Variants in RGS6 observed in about 807,000 individuals in gnomAD.
RGS6 encodes the protein regulator of G protein signaling 6.
Under a neutral mutation model 78.5 loss-of-function variants are expected in RGS6, and 30 were observed. That is an observed-to-expected ratio of 0.38 (90% CI 0.29 to 0.52). The LOEUF is 0.52. Among genes scored for constraint, RGS6 ranks in the 20% least tolerant of loss-of-function variants. RGS6 has a pLI of 0.85. For synonymous variants in RGS6, 206 were observed against 206.0 expected, an observed-to-expected ratio of 1.00 and a Z score of 0.00; for missense variants, 495 against 609.7, an observed-to-expected ratio of 0.81 and a Z score of 1.98.
chr14:71,979,501 C>G (rs1340779644), intron 2 of RGS6, among the ~76,000 whole-genome samples: 23 of 152,034 alleles, frequency 1.5e-4, no homozygotes, highest in Non-Finnish European at 3.1e-4. Context: ...ATCTTTATTT[C>G]TGCCTTCATT....
intron 2 of RGS6, among the ~76,000 whole-genome samples, chr14:72,219,138 T>C (rs1334182594): frequency 6.6e-6 from 1 of 151,964 alleles, no homozygotes; most frequent in East Asian, 2.0e-4. Flanking sequence ...ACCAAAAGGA[T>C]ACTAATTTAC....
At chr14:72,003,253 A>G (rs1254243333) in intron 2 of RGS6, among the ~76,000 whole-genome samples, 2 of 152,192 alleles carry the variant, frequency 1.3e-5, no homozygotes, top group Non-Finnish European at 1.5e-5. Flanking sequence ...CTTTATTAAG[A>G]TATTCACATA....
At chr14:72,411,557 T>C (rs1162043406) in intron 3 of RGS6, among the ~76,000 whole-genome samples, 2 of 152,298 alleles carry the variant, frequency 1.3e-5, no homozygotes, top group East Asian at 3.9e-4. Flanking sequence ...ATACCCTTTA[T>C]TTCCTTCTCC....
At chr14:72,223,250 T>C (rs1277143214) in intron 2 of RGS6, among the ~76,000 whole-genome samples, 1 of 152,188 alleles carries the variant, frequency 6.6e-6, no homozygotes, top group East Asian at 1.9e-4. Context: ...TGGAACAACC[T>C]CACAAACCTG....
chr14:72,397,191 A>T (rs931000400), intron 3 of RGS6, among the ~76,000 whole-genome samples: 1 of 152,138 alleles, frequency 6.6e-6, no homozygotes, highest in African/African-American at 2.4e-5. Flanking sequence ...TTGAGCATGG[A>T]ATGTTCTTCC....
intron 3 of RGS6, among the ~76,000 whole-genome samples, chr14:72,356,425 A>G (rs1013951609): frequency 6.6e-6 from 1 of 152,162 alleles, no homozygotes; most frequent in African/African-American, 2.4e-5. Context: ...CTGTGAGTCA[A>G]TTAAGCTTCT....
At chr14:72,617,702 T>C in the RGS6 span, among the ~76,000 whole-genome samples, 1 of 152,028 alleles carries the variant, frequency 6.6e-6, no homozygotes, top group African/African-American at 2.4e-5. Context: ...GCAATTAGCC[T>C]AGAGAGGAGC....
At chr14:72,106,958 C>G (rs776046169) in intron 2 of RGS6, among the ~76,000 whole-genome samples, 1 of 151,794 alleles carries the variant, frequency 6.6e-6, no homozygotes, top group Non-Finnish European at 1.5e-5. Context: ...CATCAGGAGG[C>G]GCAGGAAGTC....
At chr14:72,610,898 C>T in the RGS6 span, among the ~76,000 whole-genome samples, 1 of 152,216 alleles carries the variant, frequency 6.6e-6, no homozygotes, top group African/African-American at 2.4e-5. Flanking sequence ...ACCAGCAGGG[C>T]CATTCAGAGA....
intron 2 of RGS6, among the ~76,000 whole-genome samples, chr14:72,036,766 C>T (rs2091771000): frequency 6.6e-6 from 1 of 152,090 alleles, no homozygotes; most frequent in South Asian, 2.1e-4. Flanking sequence ...TTCTCCCAGT[C>T]TGTAGTTTGC....
chr14:71,913,206 TG>T, the RGS6 span, among the ~76,000 whole-genome samples: 1 of 152,222 alleles, frequency 6.6e-6, no homozygotes. Context: ...GAACATTGAA[TG>T]TATGTTACAT....
chr14:72,364,838 A>G (rs974062635), intron 3 of RGS6, among the ~76,000 whole-genome samples: 8 of 152,206 alleles, frequency 5.3e-5, no homozygotes, highest in Admixed American at 6.5e-5. Flanking sequence ...GATGATATTG[A>G]TGAGGAATGC....
the RGS6 span, among the ~76,000 whole-genome samples, chr14:71,887,288 T>A: frequency 1.8e-4 from 27 of 152,280 alleles, no homozygotes; most frequent in African/African-American, 6.5e-4. Flanking sequence ...TTGTAAAATA[T>A]GTGTATTTGA....
chr14:72,289,966 G>GA (rs566420827), intron 2 of RGS6, among the ~76,000 whole-genome samples: 37 of 152,252 alleles, frequency 2.4e-4, no homozygotes, highest in Non-Finnish European at 4.0e-4. Context: ...GATTGGATTA[G>GA]AAAAAATTAA....
At chr14:72,386,165 G>A (rs1476810892) in intron 3 of RGS6, among the ~76,000 whole-genome samples, 2 of 152,088 alleles carry the variant, frequency 1.3e-5, no homozygotes, top group South Asian at 4.1e-4. Context: ...CTGACTTGGA[G>A]CCCATTCCTC....
At chr14:72,566,680 CA>C (rs2097712999), downstream of RGS6, among the ~76,000 whole-genome samples, 2 of 125,164 alleles carry the variant, frequency 1.6e-5, no homozygotes, top group Non-Finnish European at 3.3e-5. Flanking sequence ...CACACACACA[CA>C]CCTGTTTCCT....
In RGS6 at chr14:71,967,338, C is replaced by T. The variant is rs990674972; in HGVS notation, c.84+2463C>T. ...TGACACCATTTTAAACCTAGTTAACCTGACTGACTTAAACCATGGTTGTAC... is the reference window on the plus strand; with the variant it reads ...TGACACCATTTTAAACCTAGTTAACTTGACTGACTTAAACCATGGTTGTAC... On this transcript the variant is annotated intron_variant, in intron 2 of 17. Coordinates refer to ENST00000553525, the MANE Select transcript of RGS6 (RefSeq NM_001204424.2). Among the ~76,000 whole-genome samples the T allele has an allele frequency of 1.2e-4, 19 of 152,024 alleles. 1 individual carries two copies. Among genetic ancestry groups the T allele is most frequent in the African/African-American group, 4.4e-4 (18 of 41,378 alleles).
chr14:72,519,296 G>A (rs1194450668), intron 15 of RGS6, among the ~76,000 whole-genome samples: 1 of 152,172 alleles, frequency 6.6e-6, no homozygotes, highest in African/African-American at 2.4e-5. Context: ...TAAGCATTGG[G>A]TTGGTTTCTT....
At chr14:72,122,876 G>A (rs756880770) in intron 2 of RGS6, among the ~76,000 whole-genome samples, 6 of 151,620 alleles carry the variant, frequency 4.0e-5, no homozygotes, top group Non-Finnish European at 7.4e-5. Context: ...CTAATTAACT[G>A]TGTTACTAGT....
Sources: gnomAD v4.1 joint callset for allele counts (sites outside exome capture counted in the v4.1 genomes callset) on GRCh38, gnomAD v4.1.1 for gene constraint, MANE v1.5 for transcripts, NCBI Gene and HGNC (gene_info 2026-07-23, HGNC 2026-07-21) for gene names.